Variants in MYO3B observed in about 807,000 individuals in gnomAD.
The protein encoded by MYO3B is myosin IIIB.
MYO3B carries 156 observed loss-of-function variants against 174.6 expected under a neutral mutation model. That is an observed-to-expected ratio of 0.89 (90% confidence interval 0.78 to 1.02). The LOEUF is 1.02. Ranked by LOEUF, MYO3B falls within the 50% of genes least tolerant of loss-of-function variation. The probability of loss-of-function intolerance (pLI) is 0.00; values close to 1 mark genes in which losing one functional copy is unlikely to be tolerated. For synonymous variants in MYO3B, 563 were observed against 569.1 expected (o/e 0.99, Z 0.15); for missense variants, 1,632 against 1,639.4 (o/e 1.00, Z 0.08).
intron 22 of MYO3B, among the ~76,000 whole-genome samples, chr2:170,437,857 T>A (rs1250873802): frequency 1.3e-5 from 2 of 152,180 alleles, no homozygotes; most frequent in East Asian, 3.9e-4. Flanking sequence ...CGGGAAAACT[T>A]CCTTCAGCAC....
intron 1 of MYO3B, among the ~76,000 whole-genome samples, chr2:170,195,239 TTC>T (rs2092585656): frequency 6.6e-6 from 1 of 151,918 alleles, no homozygotes; most frequent in African/African-American, 2.4e-5. Flanking sequence ...GGAAGAGGCA[TTC>T]TGTTTTCATG....
At chr2:170,445,838 A>G (rs1244726819) in intron 23 of MYO3B, among the ~76,000 whole-genome samples, 2 of 152,090 alleles carry the variant, frequency 1.3e-5, no homozygotes, top group African/African-American at 4.8e-5. Context: ...AGGTCTTGCT[A>G]TGTTGTTCAT....
At chr2:170,314,881 TCTTACTCAG>T (rs1278739206) in intron 7 of MYO3B, among the ~76,000 whole-genome samples, 3 of 152,206 alleles carry the variant, frequency 2.0e-5, no homozygotes, top group Non-Finnish European at 4.4e-5. Flanking sequence ...ATGTTGTATT[TCTTACTCAG>T]CATTACTCAG....
At chr2:170,212,138 G>T (rs2092777160) in intron 3 of MYO3B, among the ~76,000 whole-genome samples, 1 of 152,048 alleles carries the variant, frequency 6.6e-6, no homozygotes, top group East Asian at 1.9e-4. Context: ...AGCTACTCTG[G>T]AGGCTGAGGC....
chr2:170,619,734 A>ATACTTTTTTTTT (rs1553539463), intron 32 of MYO3B, among the ~76,000 whole-genome samples: 7 of 33,516 alleles, frequency 2.1e-4, no homozygotes, highest in Non-Finnish European at 5.2e-4. Context: ...CTGCTGCCAT[A>ATACTTTTTTTTT]TTCTTTTTTT....
intron 22 of MYO3B, among the ~76,000 whole-genome samples, chr2:170,438,538 A>G (rs967410545): frequency 4.6e-5 from 7 of 152,106 alleles, no homozygotes; most frequent in Admixed American, 4.6e-4. Flanking sequence ...ACCATTTTAT[A>G]TTCCCCCCAA....
intron 30 of MYO3B, among the ~76,000 whole-genome samples, chr2:170,535,734 T>A (rs1174611018): frequency 6.6e-6 from 1 of 152,148 alleles, no homozygotes; most frequent in African/African-American, 2.4e-5. Flanking sequence ...TCTAGCCAAG[T>A]CCTCAGCACA....
intron 3 of MYO3B, among the ~76,000 whole-genome samples, chr2:170,203,297 A>C (rs1262530322): frequency 6.6e-6 from 1 of 152,222 alleles, no homozygotes; most frequent in African/African-American, 2.4e-5. Flanking sequence ...TTTGGCAGGT[A>C]GAAACTTAAT....
intron 7 of MYO3B, among the ~76,000 whole-genome samples, chr2:170,327,116 G>T (rs563504433): frequency 1.3e-5 from 2 of 152,336 alleles, no homozygotes; most frequent in East Asian, 3.9e-4. Context: ...GCTGGGTGTG[G>T]TGGCTCACGC....
intron 32 of MYO3B, among the ~76,000 whole-genome samples, chr2:170,609,819 C>T (rs1194831111): frequency 2.6e-5 from 4 of 152,224 alleles, no homozygotes; most frequent in Admixed American, 6.5e-5. Context: ...CCTAGAGGAA[C>T]TTCAGCCCTG....
intron 3 of MYO3B, among the ~76,000 whole-genome samples, chr2:170,203,493 GGC>G (rs2092683806): frequency 8.0e-6 from 1 of 124,314 alleles, no homozygotes; most frequent in Admixed American, 8.7e-5. Context: ...AGCAAAAGGG[GGC>G]GGCGGGGGGG....
intron 7 of MYO3B, among the ~76,000 whole-genome samples, chr2:170,279,721 G>A (rs2093492575): frequency 6.6e-6 from 1 of 152,082 alleles, no homozygotes; most frequent in Non-Finnish European, 1.5e-5. Flanking sequence ...TGCAGTATTT[G>A]GTTTCCTGTT....
intron 7 of MYO3B, 103 bp from the exon 8 acceptor site, chr2:170,335,281 GA>G: frequency 2.3e-6 from 2 of 877,578 alleles, no homozygotes; most frequent in Non-Finnish European, 3.6e-6. Flanking sequence ...AGAACAAACA[GA>G]TTTTATTAGA....
At chr2:170,508,324 T>C (rs939065298) in intron 28 of MYO3B, among the ~76,000 whole-genome samples, 2 of 152,214 alleles carry the variant, frequency 1.3e-5, no homozygotes, top group African/African-American at 2.4e-5. Flanking sequence ...TTGAGTTGCC[T>C]TTACTCTATG....
At chr2:170,526,312 G>A (rs573294883) in intron 30 of MYO3B, among the ~76,000 whole-genome samples, 15 of 152,300 alleles carry the variant, frequency 9.8e-5, no homozygotes, top group African/African-American at 3.6e-4. Context: ...ATGGCAAGCT[G>A]TTGTGGGTCA....
At chr2:170,346,420 C>T (rs1367484380) in intron 8 of MYO3B, 3 of 152,122 alleles carry the variant, frequency 2.0e-5, no homozygotes, top group Non-Finnish European at 2.9e-5. Context: ...TGTAAAGCAT[C>T]ACTACAATGT....
chr2:170,420,304 C>T (rs972619481), intron 22 of MYO3B, among the ~76,000 whole-genome samples: 6 of 152,094 alleles, frequency 3.9e-5, no homozygotes, highest in South Asian at 2.1e-4. Context: ...GACTATGCTA[C>T]GGTTAAGGAG....
intron 28 of MYO3B, among the ~76,000 whole-genome samples, chr2:170,507,463 G>T (rs1460799399): frequency 6.6e-6 from 1 of 151,902 alleles, no homozygotes; most frequent in African/African-American, 2.4e-5. Flanking sequence ...GCAATGGTGC[G>T]TTCTTGGCTC....
At chr2:170,362,584 T>C (rs977017090) in intron 8 of MYO3B, among the ~76,000 whole-genome samples, 3 of 152,208 alleles carry the variant, frequency 2.0e-5, no homozygotes, top group Non-Finnish European at 4.4e-5. Context: ...TTTTGTCTTT[T>C]AGCAAATACT....
Sources: gnomAD v4.1 joint callset for allele counts (sites outside exome capture counted in the v4.1 genomes callset) on GRCh38, gnomAD v4.1.1 for gene constraint, MANE v1.5 for transcripts, NCBI Gene and HGNC (gene_info 2026-07-23, HGNC 2026-07-21) for gene names.